ERC2: variants seen among roughly 807,000 people sequenced by gnomAD.
The protein encoded by ERC2 is ERC protein 2.
ERC2 carries 42 observed loss-of-function variants against 114.8 expected under a neutral mutation model. The ratio of observed to expected loss-of-function variants is 0.37; its 90% CI spans 0.29 to 0.47. ERC2 has a LOEUF of 0.47. Ranked by LOEUF, ERC2 falls within the 20% of genes least tolerant of loss-of-function variation. ERC2 has a pLI of 0.99. For synonymous variants in ERC2, 454 were observed against 425.5 expected, an observed-to-expected ratio of 1.07 and a Z score of -0.82; for missense variants, 939 against 1,150.7, an observed-to-expected ratio of 0.82 and a Z score of 2.66.
intron 3 of ERC2, among the ~76,000 whole-genome samples, chr3:56,265,096 A>G (rs1194836115): frequency 1.3e-5 from 2 of 152,234 alleles, no homozygotes; most frequent in Non-Finnish European, 1.5e-5. Context: ...ACAGAAATAG[A>G]AAAATAGTTC....
chr3:55,536,850 A>G (rs778987409), intron 17 of ERC2, among the ~76,000 whole-genome samples: 42 of 152,154 alleles, frequency 2.8e-4, no homozygotes, highest in Non-Finnish European at 4.6e-4. Flanking sequence ...ACCCCGTCCT[A>G]CAGGAAGGGA....
rs2075928276 is a variant in ERC2, at chr3:56,054,717, T to C, written c.1641+26100A>G. 2.0e-5 allele frequency among the ~76,000 whole-genome samples: 3 copies of C among 152,224 alleles called. No homozygotes were observed. In the South Asian group the frequency reaches 6.2e-4, roughly 32 times the overall value. On this transcript the variant is annotated intron_variant, in intron 7 of 17. Coordinates refer to ENST00000288221, the MANE Select transcript of ERC2 (RefSeq NM_015576.3). ...CAACTAGTAAGTCCCTAGTTCAATA[T>C]ACTGTCTGTGGATAAAATATGGGTC...
chr3:55,886,972 AT>A (rs1379430894), intron 14 of ERC2, among the ~76,000 whole-genome samples: 1 of 152,240 alleles, frequency 6.6e-6, no homozygotes, highest in East Asian at 1.9e-4. Flanking sequence ...GCAACAAACA[AT>A]CATTGAGCAC....
chr3:55,614,358 T>C (rs1026028975), intron 17 of ERC2, among the ~76,000 whole-genome samples: 2 of 152,128 alleles, frequency 1.3e-5, no homozygotes, highest in Non-Finnish European at 2.9e-5. Context: ...GGGTATTCTT[T>C]TTCTCTGAGT....
intron 3 of ERC2, among the ~76,000 whole-genome samples, chr3:56,178,146 G>A (rs1219954445): frequency 6.6e-6 from 1 of 152,180 alleles, no homozygotes; most frequent in Non-Finnish European, 1.5e-5. Flanking sequence ...TGAGAGTCTA[G>A]AGTCAGTGGG....
Position 56,028,320 on chromosome 3 carries a change from G to A in ERC2, c.1642-9289C>T, listed in dbSNP as rs770985673. 3.9e-5 allele frequency among the ~76,000 whole-genome samples: 6 copies of A among 151,982 alleles called. 1 individual carries two copies. Among genetic ancestry groups the A allele is most frequent in the Non-Finnish European group, 7.4e-5 (5 of 67,952 alleles). On this transcript the variant is annotated intron_variant, in intron 7 of 17. Transcript: ENST00000288221. ...TTCATAAGAAATTTATAAAAAGTTT[G>A]TCTATGTCATCAAAACCCTTTGGTG...
chr3:55,623,898 T>C (rs2059413165), intron 17 of ERC2, among the ~76,000 whole-genome samples: 1 of 152,232 alleles, frequency 6.6e-6, no homozygotes, highest in South Asian at 2.1e-4. Context: ...TAAATTTATG[T>C]TCAAGTGCTA....
At chr3:56,334,946 AG>A (rs1305267023) in intron 2 of ERC2, among the ~76,000 whole-genome samples, 1 of 152,182 alleles carries the variant, frequency 6.6e-6, no homozygotes, top group African/African-American at 2.4e-5. Context: ...CTGGGACTAC[AG>A]GCACGTGCCA....
At chr3:56,329,065 A>C (rs988455483) in intron 2 of ERC2, among the ~76,000 whole-genome samples, 1 of 152,160 alleles carries the variant, frequency 6.6e-6, no homozygotes, top group Non-Finnish European at 1.5e-5. Flanking sequence ...ACTATAGTCC[A>C]CCTCCACCCT....
chr3:56,239,634 G>C (rs1443051448), intron 3 of ERC2, among the ~76,000 whole-genome samples: 1 of 152,222 alleles, frequency 6.6e-6, no homozygotes, highest in African/African-American at 2.4e-5. Context: ...GAAGTACCTA[G>C]AGATGTCAAC....
At chr3:55,997,428 T>C (rs2071603384) in intron 10 of ERC2, among the ~76,000 whole-genome samples, 1 of 151,178 alleles carries the variant, frequency 6.6e-6, no homozygotes, top group South Asian at 2.1e-4. Flanking sequence ...AGAATTTCAA[T>C]CTTCTCATAA....
intron 17 of ERC2, among the ~76,000 whole-genome samples, chr3:55,614,161 A>G (rs937519509): frequency 6.6e-6 from 1 of 152,116 alleles, no homozygotes; most frequent in African/African-American, 2.4e-5. Flanking sequence ...TCTACTGGAA[A>G]GGTATCTGGA....
At chr3:55,652,295 T>G (rs114617730) in intron 17 of ERC2, among the ~76,000 whole-genome samples, 1,978 of 152,378 alleles carry the variant, frequency 0.013, 46 homozygotes, top group African/African-American at 0.045. Context: ...TGAGGCATTC[T>G]GGAACAGTTT....
chr3:56,372,688 A>G (rs1279074095), intron 2 of ERC2, among the ~76,000 whole-genome samples: 1 of 152,140 alleles, frequency 6.6e-6, no homozygotes, highest in Non-Finnish European at 1.5e-5. Flanking sequence ...AGATCACACC[A>G]CTGCACACCA....
At chr3:55,654,487 G>C (rs942194376) in intron 17 of ERC2, among the ~76,000 whole-genome samples, 1 of 152,242 alleles carries the variant, frequency 6.6e-6, no homozygotes, top group Non-Finnish European at 1.5e-5. Flanking sequence ...TATTGCTTAT[G>C]ACATTGTACT....
At chr3:55,988,186 G>A (rs2070778526) in intron 11 of ERC2, among the ~76,000 whole-genome samples, 1 of 152,126 alleles carries the variant, frequency 6.6e-6, no homozygotes. Context: ...CTGCCTCTAA[G>A]GTTTAATTAG....
At chr3:55,786,639 T>C (rs2069521426) in intron 14 of ERC2, among the ~76,000 whole-genome samples, 1 of 152,210 alleles carries the variant, frequency 6.6e-6, no homozygotes, top group Non-Finnish European at 1.5e-5. Context: ...AACAGATGAA[T>C]AAACTGAGGC....
intron 11 of ERC2, among the ~76,000 whole-genome samples, chr3:55,988,387 A>T (rs1326419524): frequency 6.6e-6 from 1 of 152,234 alleles, no homozygotes; most frequent in African/African-American, 2.4e-5. Context: ...GCATAACTGC[A>T]CGTGGGACCA....
At chr3:55,934,259 A>C (rs1470055744) in intron 13 of ERC2, among the ~76,000 whole-genome samples, 1 of 152,214 alleles carries the variant, frequency 6.6e-6, no homozygotes, top group East Asian at 1.9e-4. Flanking sequence ...ACAGGCATGC[A>C]AATCTTCAAT....
Sources: allele counts gnomAD v4.1 joint callset (sites outside exome capture counted in the v4.1 genomes callset), GRCh38; gene constraint gnomAD v4.1.1; transcripts MANE v1.5; gene names NCBI Gene and HGNC (gene_info 2026-07-23, HGNC 2026-07-21).